The following ZNF471 variants were observed in gnomAD, a reference collection of about 807,000 sequenced individuals.
ZNF471 encodes EZFIT-related protein 1.
In ZNF471, 7 loss-of-function variants were observed where a neutral mutation model predicts 13.7. The ratio of observed to expected loss-of-function variants is 0.51; its 90% CI spans 0.29 to 0.96. The LOEUF (loss-of-function observed/expected upper bound fraction) is 0.96. Among genes scored for constraint, ZNF471 ranks in the 40% least tolerant of loss-of-function variants. The pLI, the probability that ZNF471 is intolerant of heterozygous loss-of-function variation, is 0.08. For missense variants in ZNF471, 663 were observed against 743.3 expected (o/e 0.89, Z 1.26); for synonymous variants, 218 against 235.6 (o/e 0.93, Z 0.68).
chr19:56,525,923 G>T lies in ZNF471; in HGVS notation c.1856G>T (p.Arg619Ile), dbSNP rs201178000. ...AAGTTATCCTTAATTTGTCATCAAAGAAGTCATACTGGAGAAGAACCTTAA... is the reference window on the plus strand; with the variant it reads ...AAGTTATCCTTAATTTGTCATCAAATAAGTCATACTGGAGAAGAACCTTAA... Reference protein sequence around the residue: ...RRKLSLICHQRSHTGEEP With the variant: ...RRKLSLICHQISHTGEEP The change falls in exon 5 of 5, where the codon AGA (arginine) becomes ATA (isoleucine). Residue 619 changes from arginine (R) to isoleucine (I), a missense_variant. Arg to Ile is a moderately conservative substitution (Grantham distance 97, BLOSUM62 -3). Transcript: ENST00000308031. 2.4e-5 allele frequency: 37 copies of T among 1,571,534 alleles called. No homozygotes were observed. The East Asian group carries it at 5.6e-4, about 24-fold the overall frequency.
At chr19:56,519,296 G>A (rs2043936461) in intron 4 of ZNF471, among the ~76,000 whole-genome samples, 1 of 152,058 alleles carries the variant, frequency 6.6e-6, no homozygotes, top group Non-Finnish European at 1.5e-5. Flanking sequence ...CAACTTTTCT[G>A]AACTCACCAA....
Position 56,510,854 on chromosome 19 carries a change from GC to G in ZNF471, c.-55-662del, listed in dbSNP as rs1434204170. The G allele has an allele frequency of 2.0e-6, 2 of 985,330 alleles. No individual in the cohort carries two copies. Among genetic ancestry groups the G allele is most frequent in the African/African-American group, 3.5e-5 (2 of 57,220 alleles). The allele number at this position is 985,330 out of a possible 1,614,324, so 61.0% of individuals were successfully genotyped here. On this transcript the variant is annotated intron_variant, in intron 1 of 4. Coordinates refer to ENST00000308031, the MANE Select transcript of ZNF471 (RefSeq NM_020813.4). The surrounding 1 kb of genome is among the most constrained non-coding windows in gnomAD (Gnocchi z 4.3). ...AAGAAGCAAAGCTGGGGTGACTGAA[GC>G]TCCTAACTGAAGCAGGAGACACCCT...
intron 4 of ZNF471, among the ~76,000 whole-genome samples, chr19:56,521,344 A>T (rs2043967917): frequency 1.3e-5 from 2 of 152,158 alleles, no homozygotes; most frequent in African/African-American, 2.4e-5. Context: ...ATAACTTTAA[A>T]AAAATCTCTT....
chr19:56,520,467 G>A (rs934469181), intron 4 of ZNF471, among the ~76,000 whole-genome samples: 11 of 152,144 alleles, frequency 7.2e-5, no homozygotes, highest in African/African-American at 2.2e-4. Flanking sequence ...GTCTGTCTAC[G>A]TAGGAAAAAT....
Position 56,526,882 on chromosome 19 carries a change from G to GAC in ZNF471, c.*935_*936insCA, listed in dbSNP as rs1305548625. On this transcript the variant is annotated 3_prime_UTR_variant, in exon 5 of 5. Coordinates refer to ENST00000308031, the MANE Select transcript of ZNF471 (RefSeq NM_020813.4). ...TCTCCCTGGGACAAAGCACGTGGGGGAAAGGGGTGGCTGTGGGCACAGCTT... is the reference window on the plus strand; with the variant it reads ...TCTCCCTGGGACAAAGCACGTGGGGGACAAAGGGGTGGCTGTGGGCACAGCTT... 6.6e-6 allele frequency: 1 copy of GAC among 152,392 alleles called. No individual in the cohort carries two copies. The highest frequency in any genetic ancestry group is 2.4e-5 in the African/African-American group (1 of 41,452). The allele number at this position is 152,392 out of a possible 1,614,324, so 9.4% of individuals were successfully genotyped here. A position where few individuals can be genotyped will look rare whatever the true frequency, so the allele number is the denominator to read the frequency against.
Position 56,510,755 on chromosome 19 carries a change from G to T in ZNF471, c.-55-762G>T. On this transcript the variant is annotated intron_variant, in intron 1 of 4. Transcript: ENST00000308031. The surrounding 1 kb of genome is among the most constrained non-coding windows in gnomAD (Gnocchi z 4.3). The stretch of plus-strand genomic sequence containing the variant: ...TAGGATTGGATTCTTTATGAGTGTG[G>T]CTGTTTGGAATTGTGTGTTGCCGGG... 2 of 985,444 alleles carry T rather than the reference G, an allele frequency of 2.0e-6. No homozygotes were observed. The highest frequency in any genetic ancestry group is 2.4e-6 in the Non-Finnish European group (2 of 829,984). The allele number at this position is 985,444 out of a possible 1,614,324, so 61.0% of individuals were successfully genotyped here. A position where few individuals can be genotyped will look rare whatever the true frequency, so the allele number is the denominator to read the frequency against.
At chr19:56,520,512 C>G (rs754864238) in intron 4 of ZNF471, among the ~76,000 whole-genome samples, 1 of 152,218 alleles carries the variant, frequency 6.6e-6, no homozygotes, top group Non-Finnish European at 1.5e-5. Context: ...CACATTGCCT[C>G]AATTCTTGAA....
In ZNF471 at chr19:56,525,025, T is replaced by A; in HGVS notation, c.958T>A (p.Cys320Ser). 1 of 1,613,978 alleles carries A rather than the reference T, an allele frequency of 6.2e-7. No homozygotes were observed. The highest frequency in any genetic ancestry group is 8.5e-7 in the Non-Finnish European group (1 of 1,179,952). The change falls in exon 5 of 5, where the codon TGT (cysteine) becomes AGT (serine). Residue 320 changes from cysteine (C) to serine (S), a missense_variant. Transcript: ENST00000308031. The part of the protein sequence containing the change: ...RIHTGEKPYE[C>S]KECGKAFSDG... ...TCATACTGGAGAGAAACCCTATGAA[T>A]GTAAAGAATGTGGCAAAGCCTTCAG... is the stretch of plus-strand genomic sequence containing the variant.
chr19:56,508,345 T>TG lies in ZNF471; in HGVS notation c.-56+425_-56+426insG. Among the ~76,000 whole-genome samples the TG allele has an allele frequency of 6.9e-6, 1 of 144,172 alleles. No individual in the cohort carries two copies. The highest frequency in any genetic ancestry group is 1.5e-5 in the Non-Finnish European group (1 of 65,764). 94.6% of individuals were successfully genotyped at this position (144,172 alleles called of 152,430 possible). On this transcript the variant is annotated intron_variant, in intron 1 of 4. Coordinates refer to ENST00000308031, the MANE Select transcript of ZNF471 (RefSeq NM_020813.4). The surrounding 1 kb of genome is among the most constrained non-coding windows in gnomAD (Gnocchi z 4.7). ...GAGAGACCAGTGAGTGTGAGAGAGA[T>TG]AGGGATGTGCCTGCATTTGAAAGAG... is the stretch of plus-strand genomic sequence containing the variant.
intron 2 of ZNF471, among the ~76,000 whole-genome samples, chr19:56,514,601 G>T (rs2043856498): frequency 6.6e-6 from 1 of 152,088 alleles, no homozygotes; most frequent in Non-Finnish European, 1.5e-5. Flanking sequence ...TGTGTTTTGG[G>T]GAGGAAGACT....
intron 4 of ZNF471, among the ~76,000 whole-genome samples, chr19:56,521,637 T>TC: frequency 3.2e-5 from 1 of 31,428 alleles, no homozygotes; most frequent in East Asian, 1.2e-3. Flanking sequence ...AGACTCTGTC[T>TC]CAAAAAAAAA....
rs2043793255 is a variant in ZNF471 at position 56,510,320 on chromosome 19, AAG to A, written c.-55-1194_-55-1193del. 1 of 985,284 alleles carries A rather than the reference AAG, an allele frequency of 1.0e-6. No homozygotes were observed. The highest frequency in any genetic ancestry group is 1.7e-5 in the African/African-American group (1 of 57,218). The allele number at this position is 985,284 out of a possible 1,614,324, so 61.0% of individuals were successfully genotyped here. On this transcript the variant is annotated intron_variant, in intron 1 of 4. Transcript: ENST00000308031. This position sits in a 1 kb window ranked among gnomAD's most constrained non-coding sequence, Gnocchi z 4.3. ...GAGACCATCATGTTTATATGTGTGA[AAG>A]AGGGAGAGAAAGACTAGTGATGTGG...
Position 56,525,566 on chromosome 19 carries a change from C to T in ZNF471, c.1499C>T (p.Ser500Leu). The T allele has an allele frequency of 1.2e-6, 2 of 1,614,076 alleles. No individual in the cohort carries two copies. Among genetic ancestry groups the T allele is most frequent in the Non-Finnish European group, 8.5e-7 (1 of 1,180,010 alleles). Reference sequence around the variant, plus strand: ...TGTGGAAAAGCTTTTAGAATCAGTTCACAGCTGGCTACTCATCAGAGAATT... The same window carrying T: ...TGTGGAAAAGCTTTTAGAATCAGTTTACAGCTGGCTACTCATCAGAGAATT... ...KECGKAFRISSQLATHQRIHT... is the reference protein window; with the variant it reads ...KECGKAFRISLQLATHQRIHT... Residue 500 changes from serine to leucine, a missense_variant, in exon 5 of 5, where the codon TCA becomes TTA. Transcript: ENST00000308031.
rs749796169 is a variant in ZNF471 at position 56,525,634 on chromosome 19, G to T, written c.1567G>T (p.Ala523Ser). 1.2e-6 allele frequency: 2 copies of T among 1,614,080 alleles called. No individual in the cohort carries two copies. Among genetic ancestry groups the T allele is most frequent in the Admixed American group, 1.7e-5 (1 of 60,018 alleles). Residue 523 changes from alanine to serine, a missense_variant, in exon 5 of 5, where the codon GCT (alanine) becomes TCT (serine). Transcript: ENST00000308031. ...KPYECIECGN[A>S]FKQRSHLAQH... is the part of the protein sequence containing the mutation. ...TTATGAATGTATTGAATGTGGAAATGCTTTCAAACAGAGATCACACCTTGC... is the reference window on the plus strand; with the variant it reads ...TTATGAATGTATTGAATGTGGAAATTCTTTCAAACAGAGATCACACCTTGC...
In ZNF471 at chr19:56,524,851, T is replaced by C; in HGVS notation, c.784T>C (p.Phe262Leu). The C allele has an allele frequency of 1.9e-6, 3 of 1,610,820 alleles. No homozygotes were observed. Among genetic ancestry groups the C allele is most frequent in the Non-Finnish European group, 2.5e-6 (3 of 1,178,548 alleles). ...HHRTHTGEKL[F>L]ECKECRKAFK... ...CAGAACACATACTGGAGAGAAACTC[T>C]TTGAATGTAAAGAATGTAGGAAAGC... Residue 262 changes from phenylalanine to leucine, a missense_variant, in exon 5 of 5, where the codon TTT (phenylalanine) becomes CTT (leucine). Transcript: ENST00000308031. The surrounding 1 kb of genome is among the most constrained non-coding windows in gnomAD (Gnocchi z 4.8).
chr19:56,519,065 T>C (rs2043933853), intron 4 of ZNF471, among the ~76,000 whole-genome samples: 4 of 152,146 alleles, frequency 2.6e-5, no homozygotes, highest in Admixed American at 2.6e-4. Flanking sequence ...TATTACTTTT[T>C]AGCTTTTTCA....
At position 56,526,044 on chromosome 19, in the gene ZNF471, A is replaced by G. The variant is rs571029072; in HGVS notation, c.*96A>G. ...GATAAAAAACATATAAATGTAAGAA[A>G]TGTAGAAAAACCTTCAGCCAGGAGG... is the stretch of plus-strand genomic sequence containing the variant. On this transcript the variant is annotated 3_prime_UTR_variant, in exon 5 of 5. Coordinates refer to ENST00000308031, the MANE Select transcript of ZNF471 (RefSeq NM_020813.4). 1.1e-4 allele frequency: 147 copies of G among 1,331,920 alleles called. 1 individual carries two copies. The African/African-American group carries it at 1.5e-3, about 14-fold the overall frequency. The allele number at this position is 1,331,920 out of a possible 1,614,324, so 82.5% of individuals were successfully genotyped here. A position where few individuals can be genotyped will look rare whatever the true frequency, so the allele number is the denominator to read the frequency against.
rs1356561468 is a variant in ZNF471, at chr19:56,526,543, T to G, written c.*595T>G. 1 of 152,364 alleles carries G rather than the reference T, an allele frequency of 6.6e-6. No individual in the cohort carries two copies. The highest frequency in any genetic ancestry group is 1.5e-5 in the Non-Finnish European group (1 of 68,168). 9.4% of individuals were successfully genotyped at this position (152,364 alleles called of 1,614,324 possible). ...CCGCTTACTCCCTTGTTAAGGGGGC[T>G]GAAGCCGGGGAGCCAAGTGGTTCCC... On this transcript the variant is annotated 3_prime_UTR_variant, in exon 5 of 5. Transcript: ENST00000308031.
Position 56,524,753 on chromosome 19 carries a change from C to G in ZNF471, c.686C>G (p.Thr229Ser), listed in dbSNP as rs1355595606. The change falls in exon 5 of 5, where the codon ACT (threonine) becomes AGT (serine). Residue 229 changes from threonine (T) to serine (S), a missense_variant. Transcript: ENST00000308031. This position sits in a 1 kb window ranked among gnomAD's most constrained non-coding sequence, Gnocchi z 4.8. ...SSLTVHFRIH[T>S]GEKPYACEEC... ...CTTACTGTTCATTTTAGAATTCATA[C>G]TGGTGAAAAACCATATGCATGTGAG... 7.5e-6 allele frequency: 12 copies of G among 1,607,956 alleles called. No individual in the cohort carries two copies. The highest frequency in any genetic ancestry group is 1.3e-5 in the African/African-American group (1 of 74,484).
Sources: gnomAD v4.1 joint callset for allele counts (sites outside exome capture counted in the v4.1 genomes callset) on GRCh38, gnomAD v4.1.1 for gene constraint, Gnocchi (gnomAD v3.1) non-coding constraint, MANE v1.5 for transcripts, NCBI Gene and HGNC (gene_info 2026-07-23, HGNC 2026-07-21) for gene names.